The following SOBP variants were observed in gnomAD, a reference collection of about 807,000 sequenced individuals.
SOBP encodes the protein sine oculis binding protein homolog.
SOBP carries 4 observed loss-of-function variants against 53.6 expected under a neutral mutation model. That is an observed-to-expected ratio of 0.07 (90% CI 0.04 to 0.17). SOBP has a LOEUF of 0.17. SOBP is among the 10% of genes least tolerant of loss of function. The pLI is 1.00. For synonymous variants in SOBP, 584 were observed against 522.6 expected (o/e 1.12, Z -1.60); for missense variants, 1,088 against 1,204.7 (o/e 0.90, Z 1.43).
chr6:107,591,981 T>TG (rs1554185227), intron 5 of SOBP, among the ~76,000 whole-genome samples: 2,272 of 145,320 alleles, frequency 0.016, 78 homozygotes, highest in African/African-American at 0.057. Context: ...TTTTTTTTTT[T>TG]TTTTTTTTTT....
At chr6:107,591,179 CA>C (rs1785734904) in intron 5 of SOBP, among the ~76,000 whole-genome samples, 1 of 152,186 alleles carries the variant, frequency 6.6e-6, no homozygotes, top group Admixed American at 6.5e-5. Flanking sequence ...ATCCCTGTTT[CA>C]CCCCCTTGGA....
In SOBP at chr6:107,500,614, C is replaced by T. The variant is rs542223607; in HGVS notation, c.97-3043C>T. Among the ~76,000 whole-genome samples, 27 of 151,806 alleles carry T rather than the reference C, an allele frequency of 1.8e-4. 1 individual carries two copies. Among genetic ancestry groups the T allele is most frequent in the East Asian group, 1.2e-3 (6 of 5,098 alleles). On this transcript the variant is annotated intron_variant, in intron 1 of 6. Transcript: ENST00000317357. The stretch of plus-strand genomic sequence containing the variant: ...TCGGCTCACTGCAAGCTCCGCCTCC[C>T]GGGTTCACGCCATTCTCCTGCCTCA...
chr6:107,562,659 G>A (rs1784805085), intron 4 of SOBP, among the ~76,000 whole-genome samples: 1 of 152,162 alleles, frequency 6.6e-6, no homozygotes, highest in Non-Finnish European at 1.5e-5. Flanking sequence ...GCAAAGTAGA[G>A]GTGACAAAGT....
intron 4 of SOBP, among the ~76,000 whole-genome samples, chr6:107,570,152 C>T (rs1785033584): frequency 6.6e-6 from 1 of 152,232 alleles, no homozygotes; most frequent in Admixed American, 6.5e-5. Context: ...TCCCCTTACA[C>T]ATTTATTGTC....
chr6:107,656,058 G>A (rs1453459180), intron 6 of SOBP, among the ~76,000 whole-genome samples: 1 of 152,096 alleles, frequency 6.6e-6, no homozygotes, highest in Non-Finnish European at 1.5e-5. Flanking sequence ...GTCACTCTTG[G>A]TTCCAGGCCC....
chr6:107,520,345 A>T (rs1783445897), intron 3 of SOBP, among the ~76,000 whole-genome samples: 1 of 152,220 alleles, frequency 6.6e-6, no homozygotes, highest in South Asian at 2.1e-4. Flanking sequence ...ATATCATCTA[A>T]TTAAATTTTC....
rs770410096 is a variant in SOBP, at chr6:107,496,283, C to T, written c.96+5571C>T. On this transcript the variant is annotated intron_variant, in intron 1 of 6. Coordinates refer to ENST00000317357, the MANE Select transcript of SOBP (RefSeq NM_018013.4). ...ACAGCTGTACACCTGCCATGCCTGCCACAATGTTAGCCTGAGGGCTGGTAT... is the reference window on the plus strand; with the variant it reads ...ACAGCTGTACACCTGCCATGCCTGCTACAATGTTAGCCTGAGGGCTGGTAT... 1.1e-4 allele frequency among the ~76,000 whole-genome samples: 16 copies of T among 152,274 alleles called. 1 individual carries two copies. Among genetic ancestry groups the T allele is most frequent in the Admixed American group, 7.8e-4 (12 of 15,292 alleles).
At chr6:107,651,956 C>T (rs1456397188) in intron 6 of SOBP, among the ~76,000 whole-genome samples, 2 of 152,160 alleles carry the variant, frequency 1.3e-5, no homozygotes, top group African/African-American at 4.8e-5. Flanking sequence ...ACCCACTGCT[C>T]AGGAAAAAAT....
At position 107,634,407 on chromosome 6, in the gene SOBP, G is replaced by C. The variant is rs542329209; in HGVS notation, c.1563G>C (p.Pro521=). 7.5e-6 allele frequency: 12 copies of C among 1,603,032 alleles called. No individual in the cohort carries two copies. The African/African-American group carries it at 1.5e-4, about 20-fold the overall frequency. Residue 521 remains proline (P), a synonymous_variant, in exon 6 of 7, where the codon CCG becomes CCC. Transcript: ENST00000317357. This position sits in a 1 kb window ranked among gnomAD's most constrained non-coding sequence, Gnocchi z 4.5. ...CGCTTGCCCCGCTGGTGCCGCCCCC[G>C]ACCCTGCTCGTGCCGTACCCCGTGA... ...LPSLAPLVPP[P]TLLVPYPVIV... is the part of the protein sequence containing the mutation.
At chr6:107,610,915 A>T (rs969517266) in intron 5 of SOBP, among the ~76,000 whole-genome samples, 5 of 152,260 alleles carry the variant, frequency 3.3e-5, no homozygotes, top group Admixed American at 2.6e-4. Context: ...AAATAAATGC[A>T]TCACTACCAT....
chr6:107,519,153 T>C (rs1231429656), intron 3 of SOBP, among the ~76,000 whole-genome samples: 1 of 148,464 alleles, frequency 6.7e-6, no homozygotes, highest in Non-Finnish European at 1.5e-5. Context: ...GAATATACAA[T>C]ATCTCTACCT....
chr6:107,547,516 G>A (rs1019446815), intron 4 of SOBP, among the ~76,000 whole-genome samples: 2 of 152,134 alleles, frequency 1.3e-5, no homozygotes, highest in Non-Finnish European at 2.9e-5. Flanking sequence ...TGACACAGAG[G>A]ATTAAATGTG....
chr6:107,520,666 T>C (rs1431012479), intron 3 of SOBP, among the ~76,000 whole-genome samples: 2 of 152,166 alleles, frequency 1.3e-5, no homozygotes, highest in Admixed American at 1.3e-4. Flanking sequence ...GCCTTTCCTT[T>C]CTTGTTAGAG....
At chr6:107,610,427 TG>T (rs1330713036) in intron 5 of SOBP, among the ~76,000 whole-genome samples, 2 of 152,136 alleles carry the variant, frequency 1.3e-5, no homozygotes, top group Admixed American at 1.3e-4. Flanking sequence ...GGCAGTGATC[TG>T]GGAAAGAAGG....
chr6:107,522,537 C>CTTTTTTTTTTTTTTTT (rs71551313), intron 3 of SOBP, among the ~76,000 whole-genome samples: 1 of 74,098 alleles, frequency 1.3e-5, no homozygotes, highest in Non-Finnish European at 2.5e-5. Flanking sequence ...AGTATAAAAA[C>CTTTTTTTTTTTTTTTT]TTTTTTTTTT....
chr6:107,532,239 TCTCACACA>T (rs1372579879), intron 3 of SOBP, among the ~76,000 whole-genome samples: 7 of 66,870 alleles, frequency 1.0e-4, no homozygotes, highest in East Asian at 8.9e-4. Context: ...TCTCTCTCTC[TCTCACACA>T]CACACACACA....
intron 3 of SOBP, among the ~76,000 whole-genome samples, chr6:107,507,501 T>G (rs1332950720): frequency 6.6e-6 from 1 of 152,086 alleles, no homozygotes; most frequent in Non-Finnish European, 1.5e-5. Context: ...AGACAGGGTT[T>G]CACCATGTTG....
At chr6:107,568,206 A>T (rs1784972011) in intron 4 of SOBP, among the ~76,000 whole-genome samples, 1 of 152,232 alleles carries the variant, frequency 6.6e-6, no homozygotes, top group Admixed American at 6.5e-5. Context: ...CAACTCATTA[A>T]GAAAAAAAAG....
At chr6:107,636,555 G>A (rs920245692) in intron 6 of SOBP, among the ~76,000 whole-genome samples, 3 of 152,194 alleles carry the variant, frequency 2.0e-5, no homozygotes, top group Admixed American at 6.5e-5. Flanking sequence ...AAGCTCTCCC[G>A]TCTATCCAAG....
Sources: allele counts gnomAD v4.1 joint callset (sites outside exome capture counted in the v4.1 genomes callset), GRCh38; gene constraint gnomAD v4.1.1; non-coding constraint Gnocchi (gnomAD v3.1); transcripts MANE v1.5; gene names NCBI Gene and HGNC (gene_info 2026-07-23, HGNC 2026-07-21).